Variants in ADAM29 observed in about 807,000 individuals in gnomAD.
The protein encoded by ADAM29 is disintegrin and metalloproteinase domain-containing protein 29.
For missense variants in ADAM29, 969 were observed against 1,001.8 expected (o/e 0.97, Z 0.44); for synonymous variants, 367 against 342.3 (o/e 1.07, Z -0.80).
At chr4:174,921,399 A>C (rs1266570624) in intron 2 of ADAM29, among the ~76,000 whole-genome samples, 1 of 152,146 alleles carries the variant, frequency 6.6e-6, no homozygotes, top group Non-Finnish European at 1.5e-5. Flanking sequence ...TGAGAAAATG[A>C]ATTTCATTTC....
At chr4:174,953,958 T>G (rs906399223) in intron 4 of ADAM29, among the ~76,000 whole-genome samples, 3 of 152,152 alleles carry the variant, frequency 2.0e-5, no homozygotes, top group Non-Finnish European at 4.4e-5. Context: ...ATGATCCTCC[T>G]GCCTCGGCCT....
intron 4 of ADAM29, among the ~76,000 whole-genome samples, chr4:174,948,714 G>A (rs968158272): frequency 7.9e-5 from 12 of 152,172 alleles, no homozygotes; most frequent in Admixed American, 7.2e-4. Flanking sequence ...TCTAGAGGGG[G>A]TAGGGTTGTC....
intron 4 of ADAM29, among the ~76,000 whole-genome samples, chr4:174,943,845 T>C (rs1744688748): frequency 1.3e-5 from 2 of 152,142 alleles, no homozygotes; most frequent in South Asian, 4.1e-4. Flanking sequence ...CGTTCAGTGA[T>C]TATAAAACCT....
intron 4 of ADAM29, among the ~76,000 whole-genome samples, chr4:174,938,097 C>G (rs1744304453): frequency 6.6e-6 from 1 of 151,878 alleles, no homozygotes; most frequent in Non-Finnish European, 1.5e-5. Context: ...ACATTGGGGA[C>G]AATAGATTAT....
chr4:174,922,814 T>C (rs1019153339), intron 2 of ADAM29, among the ~76,000 whole-genome samples: 2 of 152,034 alleles, frequency 1.3e-5, no homozygotes, highest in Non-Finnish European at 2.9e-5. Context: ...GTAAGCAATG[T>C]TATCTTTTAA....
At chr4:174,965,474 C>CTCTATCTATCA (rs1302388619) in intron 4 of ADAM29, among the ~76,000 whole-genome samples, 6 of 139,890 alleles carry the variant, frequency 4.3e-5, no homozygotes, top group African/African-American at 1.4e-4. Context: ...CCACATCAAG[C>CTCTATCTATCA]TCTATCTATC....
At chr4:174,962,430 T>C (rs952553766) in intron 4 of ADAM29, among the ~76,000 whole-genome samples, 1 of 149,136 alleles carries the variant, frequency 6.7e-6, no homozygotes, top group Non-Finnish European at 1.5e-5. Flanking sequence ...GAGAATGGCG[T>C]GAACCCGGGA....
intron 4 of ADAM29, among the ~76,000 whole-genome samples, chr4:174,943,971 C>T (rs571630450): frequency 2.6e-4 from 40 of 151,932 alleles, no homozygotes; most frequent in African/African-American, 7.7e-4. Context: ...TACAAGAACA[C>T]GAAGGTGCTT....
intron 4 of ADAM29, among the ~76,000 whole-genome samples, chr4:174,952,865 C>A (rs776687743): frequency 7.2e-5 from 11 of 152,088 alleles, no homozygotes; most frequent in Non-Finnish European, 1.5e-4. Context: ...GAGTGACAAG[C>A]CAAACATTTT....
chr4:174,956,151 G>A (rs558753849), intron 4 of ADAM29, among the ~76,000 whole-genome samples: 3 of 152,008 alleles, frequency 2.0e-5, no homozygotes, highest in East Asian at 3.9e-4. Flanking sequence ...TTACTGAGAC[G>A]CTTTCTTCCA....
At chr4:174,935,755 T>C (rs566147065) in intron 3 of ADAM29, among the ~76,000 whole-genome samples, 126 of 152,192 alleles carry the variant, frequency 8.3e-4, no homozygotes, top group African/African-American at 2.9e-3. Flanking sequence ...TCAGCAATTA[T>C]TGAAAAGGCT....
chr4:174,962,376 G>T (rs990499568), intron 4 of ADAM29, among the ~76,000 whole-genome samples: 1 of 151,984 alleles, frequency 6.6e-6, no homozygotes, highest in African/African-American at 2.4e-5. Flanking sequence ...GCTGGGCGTG[G>T]TGGGGGGCGC....
At chr4:174,956,803 T>C (rs780597295) in intron 4 of ADAM29, among the ~76,000 whole-genome samples, 13 of 151,868 alleles carry the variant, frequency 8.6e-5, no homozygotes, top group Non-Finnish European at 1.3e-4. Flanking sequence ...TACATACTTA[T>C]CACACTATGC....
chr4:174,953,745 C>T (rs906366411), intron 4 of ADAM29, among the ~76,000 whole-genome samples: 2 of 152,062 alleles, frequency 1.3e-5, no homozygotes, highest in Non-Finnish European at 2.9e-5. Flanking sequence ...GGGTCTTGCT[C>T]TGTTGCCCAG....
At chr4:174,948,927 C>T (rs572981567) in intron 4 of ADAM29, among the ~76,000 whole-genome samples, 1 of 152,170 alleles carries the variant, frequency 6.6e-6, no homozygotes, top group South Asian at 2.1e-4. Context: ...TGAGCTTGTG[C>T]TGGCAAAGTG....
At chr4:174,956,070 T>C (rs1745481264) in intron 4 of ADAM29, among the ~76,000 whole-genome samples, 1 of 152,084 alleles carries the variant, frequency 6.6e-6, no homozygotes, top group Non-Finnish European at 1.5e-5. Context: ...CCTCATGCTA[T>C]ATGGCCAGTT....
At chr4:174,942,817 C>A (rs954039299) in intron 4 of ADAM29, among the ~76,000 whole-genome samples, 2 of 152,140 alleles carry the variant, frequency 1.3e-5, no homozygotes, top group Non-Finnish European at 2.9e-5. Context: ...ATGGGTTTTT[C>A]TTTTCTACCA....
rs773681349 is a variant in ADAM29 at position 174,976,888 on chromosome 4, T to C, written c.1363T>C (p.Cys455Arg). The change falls in exon 5 of 5, where the codon TGT becomes CGT. Residue 455 changes from cysteine to arginine, a missense_variant. Coordinates refer to ENST00000359240, the MANE Select transcript of ADAM29 (RefSeq NM_014269.4). ...CAAGTTCCTACCATCAGGGAAAGTGTGTAGAAAGGAGGTCAATGAATGTGA... is the reference window on the plus strand; with the variant it reads ...CAAGTTCCTACCATCAGGGAAAGTGCGTAGAAAGGAGGTCAATGAATGTGA... ...DCKFLPSGKV[C>R]RKEVNECDLP... is the part of the protein sequence containing the mutation. The C allele has an allele frequency of 1.2e-6, 2 of 1,614,108 alleles. No individual in the cohort carries two copies. The highest frequency in any genetic ancestry group is 2.2e-5 in the East Asian group (1 of 44,864).
chr4:174,959,481 GTGTT>G (rs1301454992), intron 4 of ADAM29, among the ~76,000 whole-genome samples: 2 of 143,802 alleles, frequency 1.4e-5, no homozygotes, highest in Non-Finnish European at 3.0e-5. Flanking sequence ...GTGTGTGTGT[GTGTT>G]TGTGTGTTTG....
Sources: allele counts gnomAD v4.1 joint callset (sites outside exome capture counted in the v4.1 genomes callset), GRCh38; gene constraint gnomAD v4.1.1; transcripts MANE v1.5; gene names NCBI Gene and HGNC (gene_info 2026-07-23, HGNC 2026-07-21).